TPST1: variants seen among roughly 807,000 people sequenced by gnomAD.
TPST1 encodes the protein tyrosylprotein sulfotransferase 1, also known as protein-tyrosine sulfotransferase 1.
A neutral mutation model predicts 34.8 loss-of-function variants in TPST1; 20 were observed. The ratio of observed to expected loss-of-function variants is 0.57; its 90% CI spans 0.40 to 0.84. TPST1 has a LOEUF of 0.84. TPST1 is among the 40% of genes least tolerant of loss of function. The pLI, the probability that TPST1 is intolerant of heterozygous loss-of-function variation, is 0.00. For missense variants in TPST1, 353 were observed against 455.5 expected (o/e 0.78, Z 2.05); for synonymous variants, 152 against 159.4 (o/e 0.95, Z 0.35).
intron 3 of TPST1, among the ~76,000 whole-genome samples, chr7:66,297,019 A>G (rs1172384315): frequency 1.3e-5 from 2 of 152,190 alleles, no homozygotes; most frequent in East Asian, 1.9e-4. Context: ...ATGAATACAC[A>G]GATTTCACTC....
intron 1 of TPST1, among the ~76,000 whole-genome samples, chr7:66,234,930 C>A (rs1789880570): frequency 6.6e-6 from 1 of 152,140 alleles, no homozygotes; most frequent in Non-Finnish European, 1.5e-5. Flanking sequence ...ACCTTGGCCT[C>A]CCAAAGTGCT....
chr7:66,306,742 C>T (rs990731016), intron 3 of TPST1, among the ~76,000 whole-genome samples: 3 of 152,118 alleles, frequency 2.0e-5, no homozygotes, highest in African/African-American at 7.2e-5. Context: ...GATGGAGTTT[C>T]ACTCTTGGTG....
chr7:66,202,823 C>A (rs780796768), upstream of TPST1, among the ~76,000 whole-genome samples: 1 of 152,114 alleles, frequency 6.6e-6, no homozygotes, highest in African/African-American at 2.4e-5. Context: ...CCTGTAATCC[C>A]GTCACTTTGG....
chr7:66,295,608 T>C (rs1458855675), intron 3 of TPST1, among the ~76,000 whole-genome samples: 2 of 152,236 alleles, frequency 1.3e-5, no homozygotes, highest in Non-Finnish European at 2.9e-5. Context: ...ATTAATGTAA[T>C]TGAACATTTT....
At chr7:66,224,898 ATTCTTTTT>A (rs1283140467) in intron 1 of TPST1, among the ~76,000 whole-genome samples, 1 of 46,144 alleles carries the variant, frequency 2.2e-5, no homozygotes, top group Non-Finnish European at 4.5e-5. Context: ...ACATTCTGGT[ATTCTTTTT>A]TTTTTTTTTT....
intron 2 of TPST1, among the ~76,000 whole-genome samples, chr7:66,265,754 A>G (rs1051382865): frequency 5.3e-5 from 8 of 152,034 alleles, no homozygotes; most frequent in African/African-American, 1.9e-4. Flanking sequence ...GCAAGAGAAA[A>G]GCAGCTCATC....
At chr7:66,329,926 G>A (rs1421208952) in intron 3 of TPST1, among the ~76,000 whole-genome samples, 1 of 152,154 alleles carries the variant, frequency 6.6e-6, no homozygotes, top group Non-Finnish European at 1.5e-5. Flanking sequence ...GATGGGGACA[G>A]TAGACACTGG....
intron 3 of TPST1, among the ~76,000 whole-genome samples, chr7:66,319,879 C>G (rs1791714946): frequency 6.6e-6 from 1 of 152,138 alleles, no homozygotes. Context: ...ATTTATTTTT[C>G]TTTCCAGGGA....
At chr7:66,246,284 G>A (rs969631314) in intron 2 of TPST1, among the ~76,000 whole-genome samples, 3 of 147,256 alleles carry the variant, frequency 2.0e-5, no homozygotes, top group African/African-American at 7.5e-5. Flanking sequence ...TCCTGCCATG[G>A]CCTCCCAAAG....
At chr7:66,352,925 G>A in intron 4 of TPST1, 2 of 985,418 alleles carry the variant, frequency 2.0e-6, no homozygotes, top group Non-Finnish European at 2.4e-6. Context: ...CCTACTCTGT[G>A]TACTGTACAT....
At chr7:66,277,724 G>A (rs564554964) in intron 2 of TPST1, among the ~76,000 whole-genome samples, 2 of 152,068 alleles carry the variant, frequency 1.3e-5, no homozygotes, top group African/African-American at 4.8e-5. Context: ...GAGTGACTAG[G>A]GAGTCATTGC....
intron 2 of TPST1, among the ~76,000 whole-genome samples, chr7:66,249,988 T>TG (rs1040064564): frequency 6.6e-6 from 1 of 152,250 alleles, no homozygotes; most frequent in African/African-American, 2.4e-5. Flanking sequence ...ACTTTGAAGC[T>TG]GGCTAGACTT....
intron 2 of TPST1, among the ~76,000 whole-genome samples, chr7:66,279,520 A>G (rs140984441): frequency 5.3e-5 from 8 of 152,350 alleles, no homozygotes; most frequent in East Asian, 3.9e-4. Flanking sequence ...CACAGTGGCT[A>G]AACTAATTTA....
intron 3 of TPST1, among the ~76,000 whole-genome samples, chr7:66,298,628 C>G (rs1477375488): frequency 2.6e-5 from 4 of 152,116 alleles, no homozygotes. Context: ...TTTAAAACTA[C>G]CATCTTGCTA....
intron 1 of TPST1, among the ~76,000 whole-genome samples, chr7:66,208,736 T>C (rs576442229): frequency 9.8e-5 from 15 of 152,294 alleles, no homozygotes; most frequent in African/African-American, 3.6e-4. Flanking sequence ...CCCAAAGTGC[T>C]GGGATTACAG....
chr7:66,327,797 G>A (rs66594357), intron 3 of TPST1, among the ~76,000 whole-genome samples: 34,646 of 151,208 alleles, frequency 0.23, 4,156 homozygotes, highest in East Asian at 0.3. Flanking sequence ...AAAATGTAGA[G>A]TCCATAATGC....
intron 2 of TPST1, among the ~76,000 whole-genome samples, chr7:66,277,903 C>T (rs1263113267): frequency 6.6e-6 from 1 of 151,818 alleles, no homozygotes; most frequent in African/African-American, 2.4e-5. Context: ...AGTTTGAGAC[C>T]AGCCTGGCCA....
In TPST1 at chr7:66,356,638, C is replaced by A. The variant is rs183958877; in HGVS notation, c.1096-187C>A. On this transcript the variant is annotated intron_variant, in intron 4 of 5. Coordinates refer to ENST00000304842, the MANE Select transcript of TPST1 (RefSeq NM_003596.4). ...TGTTACCCAGGAAATTCCAAGGATT[C>A]GGCATTTCCCTCCCAGGAACCAGGG... 3.9e-5 allele frequency among the ~76,000 whole-genome samples: 6 copies of A among 152,264 alleles called. 1 individual carries two copies. Among genetic ancestry groups the A allele is most frequent in the Admixed American group, 3.9e-4 (6 of 15,302 alleles).
At chr7:66,261,232 CTTTTTTTTTT>C (rs36114007) in intron 2 of TPST1, among the ~76,000 whole-genome samples, 1 of 126,706 alleles carries the variant, frequency 7.9e-6, no homozygotes, top group South Asian at 2.5e-4. Flanking sequence ...CGTATATTGT[CTTTTTTTTTT>C]TTTTTTTGGT....
Sources: allele counts gnomAD v4.1 joint callset (sites outside exome capture counted in the v4.1 genomes callset), GRCh38; gene constraint gnomAD v4.1.1; transcripts MANE v1.5; gene names NCBI Gene and HGNC (gene_info 2026-07-23, HGNC 2026-07-21).